CPS1: variants seen among roughly 807,000 people sequenced by gnomAD.
CPS1 encodes the protein carbamoyl-phosphate synthase [ammonia], mitochondrial.
A neutral mutation model predicts 174.6 loss-of-function variants in CPS1; 109 were observed. That is an observed-to-expected ratio of 0.62 (90% confidence interval 0.53 to 0.73). CPS1 has a LOEUF of 0.73. CPS1 is among the 30% of genes least tolerant of loss of function. CPS1 has a pLI of 0.00. For missense variants in CPS1, 1,689 were observed against 1,821.9 expected (o/e 0.93, Z 1.33); for synonymous variants, 637 against 632.0 (o/e 1.01, Z -0.12).
rs778325183 is a variant in CPS1 at position 210,677,035 on chromosome 2, G to A, written c.4303G>A (p.Val1435Met). The stretch of plus-strand genomic sequence containing the variant: ...GATTAGAGATGGCAGCATTGACCTA[G>A]TGATTAACCTTCCCAACAACAACAC... ...KLIRDGSIDL[V>M]INLPNNNTKF... Residue 1435 changes from valine (V) to methionine (M), a missense_variant, in exon 37 of 38, where the codon GTG becomes ATG. Transcript: ENST00000233072. The A allele has an allele frequency of 4.3e-6, 7 of 1,613,670 alleles. No homozygotes were observed. The highest frequency in any genetic ancestry group is 1.3e-5 in the African/African-American group (1 of 74,894).
At chr2:210,648,581 T>C in intron 27 of CPS1, 41 bp downstream of exon 27, 1 of 1,518,784 alleles carries the variant, frequency 6.6e-7, no homozygotes, top group African/African-American at 1.4e-5. Flanking sequence ...GATTCAAAAA[T>C]TGGGAGATAC....
At position 210,656,503 on chromosome 2, in the gene CPS1, CTTT is replaced by C. The variant is rs58225253; in HGVS notation, c.3559-9_3559-7del. 8.7e-3 allele frequency: 10,513 copies of C among 1,212,442 alleles called. No individual in the cohort carries two copies. Among genetic ancestry groups the C allele is most frequent in the Middle Eastern group, 0.012 (48 of 4,122 alleles). The allele number at this position is 1,212,442 out of a possible 1,614,324, so 75.1% of individuals were successfully genotyped here. On this transcript the variant is annotated intron_variant, in intron 29 of 37. Coordinates refer to ENST00000233072, the MANE Select transcript of CPS1 (RefSeq NM_001875.5). ...GTACCTGAAAACTTTTTCTAAAATCCTTTTTTTTTTTTTTTGGCCAGGTTATCT... is the reference window on the plus strand; with the variant it reads ...GTACCTGAAAACTTTTTCTAAAATCCTTTTTTTTTTTTGGCCAGGTTATCT...
At chr2:210,537,387 G>A (rs73073532) in intron 1 of CPS1, among the ~76,000 whole-genome samples, 3,553 of 152,284 alleles carry the variant, frequency 0.023, 143 homozygotes, top group African/African-American at 0.081. Context: ...CAGGCATAGG[G>A]TTAATAAAGG....
At position 210,663,114 on chromosome 2, in the gene CPS1, TTC is replaced by T. The variant is rs746660935; in HGVS notation, c.3928-8_3928-7del. The T allele has an allele frequency of 1.3e-5, 21 of 1,613,286 alleles. No individual in the cohort carries two copies. Among genetic ancestry groups the T allele is most frequent in the Non-Finnish European group, 1.7e-5 (20 of 1,179,586 alleles). ...TAATTTTTCTCCCTGTTTTTTTTTTTTCCAACAGGCTCCCATGTTTTCCTGGC... is the reference window on the plus strand; with the variant it reads ...TAATTTTTCTCCCTGTTTTTTTTTTTCAACAGGCTCCCATGTTTTCCTGGC... On this transcript the variant is annotated splice_region_variant and splice_polypyrimidine_tract_variant and intron_variant, in intron 32 of 37. Transcript: ENST00000233072.
At position 210,648,442 on chromosome 2, in the gene CPS1, A is replaced by T. The variant is rs546062956; in HGVS notation, c.3337-31A>T. 8 of 1,556,956 alleles carry T rather than the reference A, an allele frequency of 5.1e-6. No individual in the cohort carries two copies. In the Admixed American group the frequency reaches 6.7e-5, roughly 13 times the overall value. The stretch of plus-strand genomic sequence containing the variant: ...TTTTATTGCATATTTTAAACTACTC[A>T]TACATTTTTATTGTTGTTTCTATTA... On this transcript the variant is annotated intron_variant, in intron 26 of 37. Coordinates refer to ENST00000233072, the MANE Select transcript of CPS1 (RefSeq NM_001875.5).
At chr2:210,645,656 G>A (rs1700356749) in intron 25 of CPS1, among the ~76,000 whole-genome samples, 1 of 152,160 alleles carries the variant, frequency 6.6e-6, no homozygotes, top group Admixed American at 6.5e-5. Context: ...GGTGGTGCAT[G>A]CCTGTAATCC....
chr2:210,642,558 G>A lies in CPS1; in HGVS notation c.3034G>A (p.Val1012Met). ...GCGTCAACTTGGCAAGAAGACGGTG[G>A]TGGTGAATTGCAATCCTGAGACTGT... ...TLRQLGKKTV[V>M]VNCNPETVST... Residue 1012 changes from valine (V) to methionine (M), a missense_variant, in exon 25 of 38, where the codon GTG becomes ATG. Physicochemically the swap from Val to Met is conservative, Grantham distance 21 (BLOSUM62 1). Transcript: ENST00000233072. 6.2e-7 allele frequency: 1 copy of A among 1,614,050 alleles called. No homozygotes were observed.
intron 28 of CPS1, among the ~76,000 whole-genome samples, chr2:210,651,151 T>C (rs949323973): frequency 5.3e-5 from 8 of 149,836 alleles, no homozygotes; most frequent in Non-Finnish European, 1.2e-4. Context: ...TGTTGGGGCT[T>C]TTTTTTTTAA....
intron 21 of CPS1, among the ~76,000 whole-genome samples, chr2:210,621,030 T>C (rs1396782057): frequency 6.6e-6 from 1 of 152,088 alleles, no homozygotes; most frequent in Non-Finnish European, 1.5e-5. Flanking sequence ...GCTTAGGTAA[T>C]AACCATTATT....
intron 1 of CPS1, among the ~76,000 whole-genome samples, chr2:210,536,916 G>GA (rs1696270498): frequency 6.6e-6 from 1 of 152,166 alleles, no homozygotes; most frequent in Non-Finnish European, 1.5e-5. Context: ...TGAAAAGAAA[G>GA]AAGCCTATGT....
rs1364026488 is a variant in CPS1, at chr2:210,645,533, G to A, written c.3142-2330G>A. On this transcript the variant is annotated intron_variant, in intron 25 of 37. Coordinates refer to ENST00000233072, the MANE Select transcript of CPS1 (RefSeq NM_001875.5). ...GTTCAGGCCGGGGATGGTGGCTCACGCCTGTAATCCCAGGATTTGGGGAGG... is the reference window on the plus strand; with the variant it reads ...GTTCAGGCCGGGGATGGTGGCTCACACCTGTAATCCCAGGATTTGGGGAGG... Among the ~76,000 whole-genome samples, 6 of 152,224 alleles carry A rather than the reference G, an allele frequency of 3.9e-5. No homozygotes were observed. In the East Asian group the frequency reaches 7.7e-4, roughly 20 times the overall value.
In CPS1 at chr2:210,590,261, A is replaced by G. The variant is rs747376588; in HGVS notation, c.840+27A>G. On this transcript the variant is annotated intron_variant, in intron 8 of 37. Transcript: ENST00000233072. ...TGCAATGAACCTTGAATTCATGTGT[A>G]TCTGTGTGGGAGGTGGGGGCTTCCG... The G allele has an allele frequency of 3.7e-6, 6 of 1,612,084 alleles. No individual in the cohort carries two copies. The South Asian group carries it at 4.4e-5, about 12-fold the overall frequency.
rs181395059 is a variant in CPS1 at position 210,531,931 on chromosome 2, T to A, written c.4-24788T>A. ...TGTTGGGAAAATGTATACTTCCATG[T>A]TAAGTTAGCAGCTCAAGTTTCCCAG... On this transcript the variant is annotated intron_variant, in intron 1 of 38. Transcript: ENST00000430249. Among the ~76,000 whole-genome samples, 42 of 152,254 alleles carry A rather than the reference T, an allele frequency of 2.8e-4. No individual in the cohort carries two copies. In the East Asian group the frequency reaches 6.2e-3, roughly 22 times the overall value.
intron 1 of CPS1, among the ~76,000 whole-genome samples, chr2:210,566,807 A>G (rs1160419898): frequency 6.6e-6 from 1 of 152,050 alleles, no homozygotes; most frequent in Non-Finnish European, 1.5e-5. Context: ...GGCTTTAAAG[A>G]TAGTATTCAG....
intron 1 of CPS1, among the ~76,000 whole-genome samples, chr2:210,509,692 C>G (rs1695396555): frequency 6.6e-6 from 1 of 152,166 alleles, no homozygotes; most frequent in South Asian, 2.1e-4. Flanking sequence ...TCTCAGGATA[C>G]AAAATCAATG....
At chr2:210,477,856 T>G (rs1309974972) in intron 1 of CPS1, 2 of 1,415,514 alleles carry the variant, frequency 1.4e-6, no homozygotes, top group African/African-American at 2.8e-5. Context: ...CGAGAGACAT[T>G]TTATCAATTA....
intron 11 of CPS1, among the ~76,000 whole-genome samples, chr2:210,593,165 C>T (rs1698368690): frequency 6.6e-6 from 1 of 151,872 alleles, no homozygotes; most frequent in South Asian, 2.1e-4. Context: ...TGGGAAAGCC[C>T]TTAAGAAACC....
chr2:210,491,375 T>C (rs1574463810), intron 1 of CPS1, among the ~76,000 whole-genome samples: 1 of 125,810 alleles, frequency 7.9e-6, no homozygotes, highest in African/African-American at 3.0e-5. Context: ...GCTGGAATGG[T>C]GCGATCTTGG....
At chr2:210,647,809 G>T (rs1700426045) in intron 25 of CPS1, 54 bp from the exon 26 acceptor site, 2 of 1,565,120 alleles carry the variant, frequency 1.3e-6, no homozygotes, top group African/African-American at 2.7e-5. Flanking sequence ...TAGCATAGTT[G>T]TCCATTCATA....
Sources: allele counts gnomAD v4.1 joint callset (sites outside exome capture counted in the v4.1 genomes callset), GRCh38; gene constraint gnomAD v4.1.1; transcripts MANE v1.5; gene names NCBI Gene and HGNC (gene_info 2026-07-23, HGNC 2026-07-21).